The following ZNF716 variants were observed in gnomAD, a reference collection of about 807,000 sequenced individuals.
ZNF716 encodes zinc finger protein 716.
ZNF716 carries 9 observed loss-of-function variants against 13.4 expected under a neutral mutation model. That is an observed-to-expected ratio of 0.67 (90% confidence interval 0.41 to 1.18). The LOEUF (loss-of-function observed/expected upper bound fraction) is 1.18, where lower values mean the gene tolerates loss of function less well. Ranked by LOEUF, ZNF716 falls within the 50% of genes most tolerant of loss-of-function variation. The pLI is 0.01. For missense variants in ZNF716, 581 were observed against 576.6 expected, an observed-to-expected ratio of 1.01 and a Z score of -0.08; for synonymous variants, 186 against 195.2, an observed-to-expected ratio of 0.95 and a Z score of 0.39.
chr7:57,468,979 A>C lies in ZNF716; in HGVS notation c.518A>C (p.Asn173Thr), dbSNP rs187940783. The C allele has an allele frequency of 6.2e-7, 1 of 1,608,372 alleles. No individual in the cohort carries two copies. The highest frequency in any genetic ancestry group is 8.5e-7 in the Non-Finnish European group (1 of 1,176,818). ...GTCTTTGGTAAATTTTCAAATTCCA[A>C]TAGACACAAGACAAGACATACTGGA... ...VKVFGKFSNS[N>T]RHKTRHTGKK... The change falls in exon 4 of 4, where the codon AAT (asparagine) becomes ACT (threonine). Residue 173 changes from asparagine to threonine, a missense_variant. Asn to Thr is a moderately conservative substitution (Grantham distance 65, BLOSUM62 0). Transcript: ENST00000420713.
chr7:57,472,978 C>G lies in ZNF716; in HGVS notation c.*3029C>G, dbSNP rs1789972717. ...TTCATCACCTTGAGCATGTATTTAT[C>G]CTTTGTATTACAAACAATCCCATTA... is the stretch of plus-strand genomic sequence containing the variant. On this transcript the variant is annotated 3_prime_UTR_variant, in exon 4 of 4. Transcript: ENST00000420713. 1 of 151,964 alleles carries G rather than the reference C, an allele frequency of 6.6e-6. No homozygotes were observed. Among genetic ancestry groups the G allele is most frequent in the Non-Finnish European group, 1.5e-5 (1 of 67,996 alleles). 9.4% of individuals were successfully genotyped at this position (151,964 alleles called of 1,614,324 possible).
intron 3 of ZNF716, among the ~76,000 whole-genome samples, chr7:57,463,639 T>C (rs1295768681): frequency 6.6e-5 from 10 of 151,904 alleles, no homozygotes; most frequent in Admixed American, 6.6e-4. Flanking sequence ...CATATAAATT[T>C]TTTTTACAAT....
intron 1 of ZNF716, among the ~76,000 whole-genome samples, chr7:57,459,023 T>C (rs1377849258): frequency 2.0e-5 from 3 of 152,258 alleles, no homozygotes; most frequent in Non-Finnish European, 4.4e-5. Flanking sequence ...TATTTCTGGC[T>C]TAATTTCATT....
rs782276413 is a variant in ZNF716, at chr7:57,450,329, T to C, written c.39+2T>C. 2.5e-6 allele frequency: 4 copies of C among 1,613,622 alleles called. No individual in the cohort carries two copies. Among genetic ancestry groups the C allele is most frequent in the East Asian group, 2.2e-5 (1 of 44,770 alleles). ...GGACCCCCTGGAAGCCGAGAAATGGTGAGTGCTGGGTCTGTCACCGTGAGA... is the reference window on the plus strand; with the variant it reads ...GGACCCCCTGGAAGCCGAGAAATGGCGAGTGCTGGGTCTGTCACCGTGAGA... On this transcript the variant is annotated splice_donor_variant, in intron 1 of 3. Transcript: ENST00000420713. LOFTEE classifies it high-confidence loss of function.
chr7:57,470,213 G>A lies in ZNF716; in HGVS notation c.*264G>A. The A allele has an allele frequency of 3.7e-6, 1 of 267,328 alleles. No homozygotes were observed. The highest frequency in any genetic ancestry group is 7.0e-6 in the Non-Finnish European group (1 of 143,146). The allele number at this position is 267,328 out of a possible 1,614,324, so 16.6% of individuals were successfully genotyped here. ...AGAGTCTCACTTTGTCACCCAGGCT[G>A]GAGTGCAGTGGCACGATGTCAGCTC... On this transcript the variant is annotated 3_prime_UTR_variant, in exon 4 of 4. Transcript: ENST00000420713.
Position 57,469,676 on chromosome 7 carries a change from G to C in ZNF716, c.1215G>C (p.Glu405Asp). ...FTYHKRTHTG[E>D]KPYKCEECGK... ...ACCACAAGAGAACTCATACTGGAGA[G>C]AAACCCTACAAATGTGAAGAATGTG... Residue 405 changes from glutamate (E) to aspartate (D), a missense_variant, in exon 4 of 4, where the codon GAG becomes GAC. Transcript: ENST00000420713. 6.2e-7 allele frequency: 1 copy of C among 1,609,566 alleles called. No homozygotes were observed. Among genetic ancestry groups the C allele is most frequent in the Non-Finnish European group, 8.5e-7 (1 of 1,176,848 alleles).
At chr7:57,468,633 T>C (rs1789855266) in intron 3 of ZNF716, 91 bp from the exon 4 acceptor site, 1 of 1,319,180 alleles carries the variant, frequency 7.6e-7, no homozygotes, top group Non-Finnish European at 1.0e-6. Flanking sequence ...ATTTTGCTAA[T>C]GTACTTTGTA....
intron 1 of ZNF716, among the ~76,000 whole-genome samples, chr7:57,460,965 A>T (rs1391411215): frequency 6.6e-6 from 1 of 150,962 alleles, no homozygotes; most frequent in Non-Finnish European, 1.5e-5. Context: ...CAGAAAACTG[A>T]TTTTTTTTTA....
rs181452649 is a variant in ZNF716 at position 57,466,557 on chromosome 7, T to C, written c.263-2167T>C. Among the ~76,000 whole-genome samples the C allele has an allele frequency of 2.4e-4, 36 of 152,254 alleles. 1 individual carries two copies. In the South Asian group the frequency reaches 2.9e-3, roughly 12 times the overall value. On this transcript the variant is annotated intron_variant, in intron 3 of 3. Transcript: ENST00000420713. Reference sequence around the variant, plus strand: ...TCGCATCATCTTTCATTATGTGACATGGTTGGTTCTTTTTTGCCTTCCACT... The same window carrying C: ...TCGCATCATCTTTCATTATGTGACACGGTTGGTTCTTTTTTGCCTTCCACT...
chr7:57,456,621 A>G (rs1486533492), intron 1 of ZNF716, among the ~76,000 whole-genome samples: 1 of 152,040 alleles, frequency 6.6e-6, no homozygotes, highest in African/African-American at 2.4e-5. Flanking sequence ...TGTAATCCCA[A>G]CTACTCAGGA....
intron 1 of ZNF716, among the ~76,000 whole-genome samples, chr7:57,461,749 G>T (rs1489994090): frequency 1.3e-5 from 2 of 152,060 alleles, no homozygotes; most frequent in African/African-American, 4.8e-5. Context: ...ATCTGTATAA[G>T]ATCTTTAGTT....
At chr7:57,457,376 G>C (rs1427115912) in intron 1 of ZNF716, among the ~76,000 whole-genome samples, 2 of 152,058 alleles carry the variant, frequency 1.3e-5, no homozygotes, top group African/African-American at 4.8e-5. Flanking sequence ...ATGAAGTCTT[G>C]CTCTGTCACC....
chr7:57,470,155 A>C lies in ZNF716; in HGVS notation c.*206A>C. Reference sequence around the variant, plus strand: ...CCACCCCTCAAACCTTAATGAACCCAAGAGAATTTATTTAAAAAAATTTTT... The same window carrying C: ...CCACCCCTCAAACCTTAATGAACCCCAGAGAATTTATTTAAAAAAATTTTT... On this transcript the variant is annotated 3_prime_UTR_variant, in exon 4 of 4. Transcript: ENST00000420713. The C allele has an allele frequency of 2.0e-6, 1 of 489,186 alleles. No individual in the cohort carries two copies. The highest frequency in any genetic ancestry group is 3.3e-6 in the Non-Finnish European group (1 of 305,462). 30.3% of individuals were successfully genotyped at this position (489,186 alleles called of 1,614,324 possible).
chr7:57,451,257 C>A lies in ZNF716; in HGVS notation c.39+930C>A, dbSNP rs185584426. 8.6e-5 allele frequency among the ~76,000 whole-genome samples: 13 copies of A among 151,800 alleles called. No homozygotes were observed. In the East Asian group the frequency reaches 2.5e-3, roughly 30 times the overall value. On this transcript the variant is annotated intron_variant, in intron 1 of 3. Coordinates refer to ENST00000420713, the MANE Select transcript of ZNF716 (RefSeq NM_001159279.1). ...CTTGAAATCCTGACCTGAAGTGATC[C>A]GCCTGCCTTGGCCTCCGAAAGTGCT...
chr7:57,464,115 C>CTTTTTTTTTTTTT lies in ZNF716; in HGVS notation c.262+953_262+954insTTTTTTTTTTTTT, dbSNP rs782745508. 2.6e-4 allele frequency among the ~76,000 whole-genome samples: 29 copies of CTTTTTTTTTTTTT among 110,236 alleles called. 3 individuals carry two copies. The highest frequency in any genetic ancestry group is 1.2e-3 in the East Asian group (4 of 3,408). The allele number at this position is 110,236 out of a possible 152,430, so 72.3% of individuals were successfully genotyped here. ...AGGTAGTTCAATCATTTGTCCATTT[C>CTTTTTTTTTTTTT]TTTTTTCTTTTTTTTTTTTTTTTGA... On this transcript the variant is annotated intron_variant, in intron 3 of 3. Transcript: ENST00000420713.
At chr7:57,459,386 C>A (rs1789665790) in intron 1 of ZNF716, among the ~76,000 whole-genome samples, 1 of 127,022 alleles carries the variant, frequency 7.9e-6, no homozygotes, top group African/African-American at 2.8e-5. Context: ...CTTAAAAAAG[C>A]CAACAAAAAA....
chr7:57,461,752 C>CTTTAGTTTA (rs1268313906), intron 1 of ZNF716, among the ~76,000 whole-genome samples: 2 of 152,118 alleles, frequency 1.3e-5, no homozygotes, highest in Admixed American at 6.6e-5. Context: ...TGTATAAGAT[C>CTTTAGTTTA]TTTAGTTTAT....
At chr7:57,460,792 C>G (rs1789695310) in intron 1 of ZNF716, among the ~76,000 whole-genome samples, 1 of 152,024 alleles carries the variant, frequency 6.6e-6, no homozygotes, top group Non-Finnish European at 1.5e-5. Flanking sequence ...TCTATTAGTT[C>G]CATGCAGAAC....
chr7:57,455,019 C>A (rs1789561401), intron 1 of ZNF716, among the ~76,000 whole-genome samples: 1 of 149,978 alleles, frequency 6.7e-6, no homozygotes, highest in Non-Finnish European at 1.5e-5. Context: ...GAGCAAGACT[C>A]CCTCTCAAAA....
Sources: gnomAD v4.1 joint callset for allele counts (sites outside exome capture counted in the v4.1 genomes callset) on GRCh38, gnomAD v4.1.1 for gene constraint, MANE v1.5 for transcripts, NCBI Gene and HGNC (gene_info 2026-07-23, HGNC 2026-07-21) for gene names.